The following ROBO2 variants were observed in gnomAD, a reference collection of about 807,000 sequenced individuals.
ROBO2 encodes roundabout guidance receptor 2.
Under a neutral mutation model 160.8 loss-of-function variants are expected in ROBO2, and 53 were observed. The ratio of observed to expected loss-of-function variants is 0.33; its 90% CI spans 0.26 to 0.41. The LOEUF (loss-of-function observed/expected upper bound fraction) is 0.41, where lower values mean the gene tolerates loss of function less well. Among genes scored for constraint, ROBO2 ranks in the 10% least tolerant of loss-of-function variants. The pLI, the probability that ROBO2 is intolerant of heterozygous loss-of-function variation, is 1.00. For synonymous variants in ROBO2, 664 were observed against 611.7 expected, an observed-to-expected ratio of 1.09 and a Z score of -1.26; for missense variants, 1,577 against 1,722.4, an observed-to-expected ratio of 0.92 and a Z score of 1.49.
At chr3:77,123,390 A>G (rs1249093311) in intron 2 of ROBO2, among the ~76,000 whole-genome samples, 1 of 152,138 alleles carries the variant, frequency 6.6e-6, no homozygotes, top group East Asian at 1.9e-4. Context: ...AAGATGATTC[A>G]TCAAATTATT....
intron 2 of ROBO2, among the ~76,000 whole-genome samples, chr3:76,680,979 G>A (rs2092546932): frequency 2.0e-5 from 3 of 152,094 alleles, no homozygotes; most frequent in African/African-American, 2.4e-5. Flanking sequence ...GTTTCAGTAT[G>A]TTGCCCAGGC....
chr3:76,611,180 C>T (rs2109080246), intron 2 of ROBO2, among the ~76,000 whole-genome samples: 1 of 152,164 alleles, frequency 6.6e-6, no homozygotes, highest in East Asian at 1.9e-4. Flanking sequence ...TTGGATCGTG[C>T]ACTCCATCTG....
At chr3:76,808,273 T>C (rs2064892909) in intron 2 of ROBO2, among the ~76,000 whole-genome samples, 1 of 152,148 alleles carries the variant, frequency 6.6e-6, no homozygotes, top group East Asian at 1.9e-4. Context: ...ATTGAAGATA[T>C]GACGTGCACA....
chr3:76,175,832 A>C, intron 2 of ROBO2, among the ~76,000 whole-genome samples: 1 of 152,156 alleles, frequency 6.6e-6, no homozygotes, highest in Non-Finnish European at 1.5e-5. Context: ...CCAGGAAAAC[A>C]TTACTTTTCC....
intron 2 of ROBO2, among the ~76,000 whole-genome samples, chr3:77,277,303 A>G (rs1384809910): frequency 1.4e-5 from 2 of 147,858 alleles, no homozygotes; most frequent in African/African-American, 5.0e-5. Flanking sequence ...GTCTTCAACT[A>G]TTATTTTAAG....
chr3:76,355,809 C>T (rs1301186589), intron 2 of ROBO2, among the ~76,000 whole-genome samples: 1 of 151,490 alleles, frequency 6.6e-6, no homozygotes, highest in Admixed American at 6.6e-5. Flanking sequence ...TAAGGATATC[C>T]CGTGCAGAAA....
chr3:77,322,557 T>C (rs1248139311), intron 2 of ROBO2, among the ~76,000 whole-genome samples: 1 of 151,716 alleles, frequency 6.6e-6, no homozygotes, highest in Non-Finnish European at 1.5e-5. Context: ...AGCAAATTGA[T>C]GACTAAGACC....
intron 2 of ROBO2, among the ~76,000 whole-genome samples, chr3:77,200,264 ATTT>A (rs1389920672): frequency 3.1e-5 from 2 of 65,316 alleles, no homozygotes. Flanking sequence ...TAACTAACAT[ATTT>A]TATATATATA....
At chr3:77,108,207 T>TATATATGTATACACCTATGC (rs1553774259) in intron 2 of ROBO2, among the ~76,000 whole-genome samples, 25 of 119,004 alleles carry the variant, frequency 2.1e-4, no homozygotes, top group Admixed American at 3.2e-4. Context: ...CACATATGCA[T>TATATATGTATACACCTATGC]ATATATATGT....
In ROBO2 at chr3:77,141,737, C is replaced by T. The variant is rs115682677; in HGVS notation, c.388+43397C>T. Among the ~76,000 whole-genome samples, 305 of 152,240 alleles carry T rather than the reference C, an allele frequency of 2.0e-3. 2 individuals carry two copies. Among genetic ancestry groups the T allele is most frequent in the African/African-American group, 7.1e-3 (295 of 41,536 alleles). The stretch of plus-strand genomic sequence containing the variant: ...GAAAGTGACAGGTTTGGGACAATAA[C>T]GTATGAATTTGGCTCTGCTGGCAGG... On this transcript the variant is annotated intron_variant, in intron 2 of 25. Transcript: ENST00000461745.
At chr3:76,868,647 A>G (rs2071641860) in intron 2 of ROBO2, among the ~76,000 whole-genome samples, 1 of 152,148 alleles carries the variant, frequency 6.6e-6, no homozygotes, top group Non-Finnish European at 1.5e-5. Context: ...TTAGGATCAC[A>G]TTATGTTTTA....
At chr3:76,199,766 G>T (rs1423810816) in intron 2 of ROBO2, among the ~76,000 whole-genome samples, 1 of 152,096 alleles carries the variant, frequency 6.6e-6, no homozygotes, top group Non-Finnish European at 1.5e-5. Flanking sequence ...AGCCAAATAT[G>T]CGTCTCAACT....
intron 2 of ROBO2, among the ~76,000 whole-genome samples, chr3:77,003,862 A>G (rs534413856): frequency 6.6e-6 from 1 of 152,032 alleles, no homozygotes; most frequent in Non-Finnish European, 1.5e-5. Context: ...AGGTTCTTTA[A>G]TCAGATCCAG....
At chr3:77,259,312 A>G (rs2058630309) in intron 2 of ROBO2, among the ~76,000 whole-genome samples, 1 of 152,224 alleles carries the variant, frequency 6.6e-6, no homozygotes, top group Non-Finnish European at 1.5e-5. Context: ...CGTTCATAGA[A>G]TGTAAGCACC....
intron 2 of ROBO2, among the ~76,000 whole-genome samples, chr3:77,390,293 CTG>C (rs377002414): frequency 3.7e-4 from 57 of 152,270 alleles, no homozygotes; most frequent in African/African-American, 1.4e-3. Flanking sequence ...GTCAAGTACT[CTG>C]GTGTTTTTCT....
At chr3:76,266,562 T>C (rs1242121833) in intron 2 of ROBO2, among the ~76,000 whole-genome samples, 1 of 152,162 alleles carries the variant, frequency 6.6e-6, no homozygotes, top group Non-Finnish European at 1.5e-5. Flanking sequence ...TGTAAGTAAA[T>C]GTTCCTGAGA....
chr3:76,649,231 T>C (rs1467493498), intron 2 of ROBO2, among the ~76,000 whole-genome samples: 3 of 152,188 alleles, frequency 2.0e-5, no homozygotes, highest in African/African-American at 7.2e-5. Context: ...TTCTAGTTTT[T>C]TAAATTATTC....
intron 1 of ROBO2, among the ~76,000 whole-genome samples, chr3:77,090,264 C>T (rs1044797255): frequency 4.8e-5 from 7 of 146,546 alleles, no homozygotes; most frequent in East Asian, 2.0e-4. Flanking sequence ...CTACACTGAA[C>T]GCTTACTGCC....
At chr3:76,125,193 C>T (rs745339071) in intron 2 of ROBO2, among the ~76,000 whole-genome samples, 1 of 152,104 alleles carries the variant, frequency 6.6e-6, no homozygotes, top group Non-Finnish European at 1.5e-5. Flanking sequence ...TTTTTTATGG[C>T]TGTGTAATAT....
Sources: allele counts gnomAD v4.1 joint callset (sites outside exome capture counted in the v4.1 genomes callset), GRCh38; gene constraint gnomAD v4.1.1; transcripts MANE v1.5; gene names NCBI Gene and HGNC (gene_info 2026-07-23, HGNC 2026-07-21).